Variants in CCNT2 observed in about 807,000 individuals in gnomAD.
CCNT2 encodes cyclin T2, also known as cyclin-T2.
CCNT2 carries 18 observed loss-of-function variants against 70.0 expected under a neutral mutation model. The ratio of observed to expected loss-of-function variants is 0.26; its 90% CI spans 0.18 to 0.38. The LOEUF (loss-of-function observed/expected upper bound fraction) is 0.38. Among genes scored for constraint, CCNT2 ranks in the 10% least tolerant of loss-of-function variants. The pLI is 1.00. For synonymous variants in CCNT2, 334 were observed against 313.3 expected (o/e 1.07, Z -0.70); for missense variants, 734 against 890.2 (o/e 0.82, Z 2.23).
At position 134,951,492 on chromosome 2, in the gene CCNT2, G is replaced by A. The variant is rs377287789; in HGVS notation, c.704-1149G>A. ...TAGAAATTTACAATGAAGATAGTTTGCTAATATATTAATAGTGTTGATAGC... is the reference window on the plus strand; with the variant it reads ...TAGAAATTTACAATGAAGATAGTTTACTAATATATTAATAGTGTTGATAGC... On this transcript the variant is annotated intron_variant, in intron 7 of 8. Coordinates refer to ENST00000264157, the MANE Select transcript of CCNT2 (RefSeq NM_058241.3). 1.5e-4 allele frequency among the ~76,000 whole-genome samples: 23 copies of A among 152,194 alleles called. No individual in the cohort carries two copies. The East Asian group carries it at 4.2e-3, about 28-fold the overall frequency.
In CCNT2 at chr2:134,954,877, C is replaced by T; in HGVS notation, c.*229C>T. The stretch of plus-strand genomic sequence containing the variant: ...CTGTAAAAGCATGGAAGGTGCAAAA[C>T]TCAGTATTTCTACAATTGCAGCTAA... On this transcript the variant is annotated 3_prime_UTR_variant, in exon 9 of 9. Coordinates refer to ENST00000264157, the MANE Select transcript of CCNT2 (RefSeq NM_058241.3). 2.3e-6 allele frequency: 1 copy of T among 440,218 alleles called. No individual in the cohort carries two copies. Among genetic ancestry groups the T allele is most frequent in the Non-Finnish European group, 4.0e-6 (1 of 246,962 alleles). 27.3% of individuals were successfully genotyped at this position (440,218 alleles called of 1,614,324 possible). A position where few individuals can be genotyped will look rare whatever the true frequency, so the allele number is the denominator to read the frequency against.
intron 1 of CCNT2, 94 bp from the exon 2 acceptor site, chr2:134,919,716 A>T (rs1679730447): frequency 1.1e-6 from 1 of 893,192 alleles, no homozygotes; most frequent in Non-Finnish European, 1.8e-6. Context: ...TTTGAATGGG[A>T]GGTATTGGAA....
rs1179264402 is a variant in CCNT2 at position 134,954,869 on chromosome 2, G to C, written c.*221G>C. ...TATAAATACTGTAAAAGCATGGAAG[G>C]TGCAAAACTCAGTATTTCTACAATT... On this transcript the variant is annotated 3_prime_UTR_variant, in exon 9 of 9. Transcript: ENST00000264157. The C allele has an allele frequency of 2.0e-5, 9 of 457,706 alleles. No individual in the cohort carries two copies. The highest frequency in any genetic ancestry group is 7.3e-5 in the Admixed American group (2 of 27,402). 28.4% of individuals were successfully genotyped at this position (457,706 alleles called of 1,614,324 possible).
At chr2:134,951,979 ATT>A (rs1235728752) in intron 7 of CCNT2, among the ~76,000 whole-genome samples, 1 of 152,168 alleles carries the variant, frequency 6.6e-6, no homozygotes, top group Non-Finnish European at 1.5e-5. Context: ...AATAATGGTC[ATT>A]TTATACAGTG....
chr2:134,937,505 C>A (rs149616111), intron 3 of CCNT2, among the ~76,000 whole-genome samples: 1 of 152,144 alleles, frequency 6.6e-6, no homozygotes, highest in African/African-American at 2.4e-5. Flanking sequence ...GAGTAATGTT[C>A]CTTTCCAGAC....
At chr2:134,940,332 G>A (rs1379419667) in intron 4 of CCNT2, among the ~76,000 whole-genome samples, 1 of 151,334 alleles carries the variant, frequency 6.6e-6, no homozygotes, top group Non-Finnish European at 1.5e-5. Flanking sequence ...AAACTTGTAG[G>A]TGAGCTGTAG....
At chr2:134,931,259 G>GTTTTTTTTTTTTTT (rs1573799687) in intron 2 of CCNT2, among the ~76,000 whole-genome samples, 1 of 51,848 alleles carries the variant, frequency 1.9e-5, no homozygotes, top group African/African-American at 7.3e-5. Context: ...ACCATGCCCG[G>GTTTTTTTTTTTTTT]ATCTTTTTTT....
intron 2 of CCNT2, among the ~76,000 whole-genome samples, chr2:134,935,526 G>A (rs1681083365): frequency 6.6e-6 from 1 of 152,110 alleles, no homozygotes; most frequent in African/African-American, 2.4e-5. Flanking sequence ...TACGGTAATT[G>A]TTGACGCCCC....
intron 8 of CCNT2, 33 bp downstream of exon 8, chr2:134,952,744 A>C: frequency 6.7e-7 from 1 of 1,501,900 alleles, no homozygotes; most frequent in Admixed American, 1.7e-5. Context: ...ACAGAATTTC[A>C]GTCTTTTATG....
chr2:134,948,071 G>C (rs1475032600), intron 7 of CCNT2, among the ~76,000 whole-genome samples, 172 bp downstream of exon 7: 1 of 152,116 alleles, frequency 6.6e-6, no homozygotes, highest in East Asian at 1.9e-4. Flanking sequence ...TGTAATCCCA[G>C]CACTGTAGGA....
chr2:134,927,057 A>C (rs1363481258), intron 2 of CCNT2, among the ~76,000 whole-genome samples: 1 of 152,240 alleles, frequency 6.6e-6, no homozygotes, highest in Non-Finnish European at 1.5e-5. Flanking sequence ...AGAATAAATC[A>C]CTTGAAGTTT....
chr2:134,932,943 C>T (rs1680888267), intron 2 of CCNT2, among the ~76,000 whole-genome samples: 2 of 152,166 alleles, frequency 1.3e-5, no homozygotes, highest in Non-Finnish European at 2.9e-5. Flanking sequence ...AATTTCTGAG[C>T]TGTAATAGTC....
At chr2:134,946,343 G>A in intron 6 of CCNT2, 197 bp downstream of exon 6, 1 of 1,190,658 alleles carries the variant, frequency 8.4e-7, no homozygotes, top group Non-Finnish European at 1.1e-6. Flanking sequence ...ACAATGTGAA[G>A]TGTAGTGGTG....
At position 134,929,613 on chromosome 2, in the gene CCNT2, C is replaced by CAG. The variant is rs140163816; in HGVS notation, c.241-7206_241-7205dup. Among the ~76,000 whole-genome samples, 317 of 117,662 alleles carry CAG rather than the reference C, an allele frequency of 2.7e-3. 3 individuals are homozygous for CAG. The highest frequency in any genetic ancestry group is 4.1e-3 in the African/African-American group (116 of 28,092). The allele number at this position is 117,662 out of a possible 152,430, so 77.2% of individuals were successfully genotyped here. On this transcript the variant is annotated intron_variant, in intron 2 of 8. Transcript: ENST00000264157. ...ACAGAGCAAGACCCTGTCTCAAAAA[C>CAG]AGAGAGAGAGAGAGAGAGAGAGAAC...
Position 134,958,433 on chromosome 2 carries a change from A to G in CCNT2, c.*3785A>G, listed in dbSNP as rs549578000. 6.6e-6 allele frequency: 1 copy of G among 152,316 alleles called. No homozygotes were observed. Among genetic ancestry groups the G allele is most frequent in the South Asian group, 2.1e-4 (1 of 4,828 alleles). 9.4% of individuals were successfully genotyped at this position (152,316 alleles called of 1,614,324 possible). On this transcript the variant is annotated 3_prime_UTR_variant, in exon 9 of 9. Transcript: ENST00000264157. ...CTTTACCCAGATGAGGGATCAACAA[A>G]TCTCACACTTAAACTAAATGAGTTG...
At chr2:134,928,967 G>A (rs2105027280) in intron 2 of CCNT2, among the ~76,000 whole-genome samples, 1 of 152,172 alleles carries the variant, frequency 6.6e-6, no homozygotes. Context: ...CCATGATTGG[G>A]GTTTTGAATG....
At chr2:134,924,572 C>T (rs1468435986) in intron 2 of CCNT2, among the ~76,000 whole-genome samples, 2 of 152,250 alleles carry the variant, frequency 1.3e-5, no homozygotes, top group Non-Finnish European at 2.9e-5. Flanking sequence ...GCCTTAGCCT[C>T]CTGGGTAGCT....
rs534544503 is a variant in CCNT2 at position 134,957,999 on chromosome 2, A to G, written c.*3351A>G. ...CAATATGAAATGTTTTTGTTAGTAC[A>G]AAATACCATTGCCTTAAAAGGTTTC... On this transcript the variant is annotated 3_prime_UTR_variant, in exon 9 of 9. Coordinates refer to ENST00000264157, the MANE Select transcript of CCNT2 (RefSeq NM_058241.3). 1 of 152,368 alleles carries G rather than the reference A, an allele frequency of 6.6e-6. No homozygotes were observed. Among genetic ancestry groups the G allele is most frequent in the South Asian group, 2.1e-4 (1 of 4,830 alleles). 9.4% of individuals were successfully genotyped at this position (152,368 alleles called of 1,614,324 possible).
At chr2:134,948,110 A>C (rs1007758049) in intron 7 of CCNT2, among the ~76,000 whole-genome samples, 2 of 152,150 alleles carry the variant, frequency 1.3e-5, no homozygotes, top group African/African-American at 4.8e-5. Flanking sequence ...ACTTGAGCCC[A>C]GGAGTTCAAG....
Sources: gnomAD v4.1 joint callset for allele counts (sites outside exome capture counted in the v4.1 genomes callset) on GRCh38, gnomAD v4.1.1 for gene constraint, MANE v1.5 for transcripts, NCBI Gene and HGNC (gene_info 2026-07-23, HGNC 2026-07-21) for gene names.